Variants in USP47 observed in about 807,000 individuals in gnomAD.
USP47 encodes ubiquitin carboxyl-terminal hydrolase 47.
USP47 carries 35 observed loss-of-function variants against 165.1 expected under a neutral mutation model. The observed-to-expected ratio is 0.21, with a 90% confidence interval of 0.16 to 0.28. USP47 has a LOEUF of 0.28. USP47 is among the 10% of genes least tolerant of loss of function. USP47 has a pLI of 1.00. For missense variants in USP47, 1,277 were observed against 1,607.4 expected, an observed-to-expected ratio of 0.79 and a Z score of 3.52; for synonymous variants, 531 against 544.5, an observed-to-expected ratio of 0.98 and a Z score of 0.35.
At position 11,922,910 on chromosome 11, in the gene USP47, A is replaced by G. The variant is rs775795033; in HGVS notation, c.1386+19A>G. On this transcript the variant is annotated intron_variant, in intron 11 of 27. Transcript: ENST00000527733. ...TGAAAAGGTACCTTTTATAGTTTGC[A>G]TTTTTTAGTTGAAAGTGAGAATAAT... is the stretch of plus-strand genomic sequence containing the variant. 6.2e-7 allele frequency: 1 copy of G among 1,603,842 alleles called. No homozygotes were observed. The highest frequency in any genetic ancestry group is 1.7e-5 in the Admixed American group (1 of 58,632).
At position 11,903,004 on chromosome 11, in the gene USP47, C is replaced by A. The variant is rs750608679; in HGVS notation, c.739+144C>A. The stretch of plus-strand genomic sequence containing the variant: ...TTGTCATATATTTTCTAACACATTT[C>A]ATAACTCTACAATGAAAAATAACAA... On this transcript the variant is annotated intron_variant, in intron 6 of 27. Transcript: ENST00000527733. 2.5e-4 allele frequency: 232 copies of A among 913,478 alleles called. 1 individual carries two copies. The highest frequency in any genetic ancestry group is 5.0e-4 in the Admixed American group (15 of 29,786). The allele number at this position is 913,478 out of a possible 1,614,324, so 56.6% of individuals were successfully genotyped here. A position where few individuals can be genotyped will look rare whatever the true frequency, so the allele number is the denominator to read the frequency against.
At chr11:11,888,245 C>T (rs114497188) in intron 3 of USP47, among the ~76,000 whole-genome samples, 3,791 of 151,638 alleles carry the variant, frequency 0.025, 139 homozygotes, top group African/African-American at 0.087. Flanking sequence ...GATAGAGACA[C>T]GAAAAACCTT....
chr11:11,952,063 T>C (rs1429790990), intron 24 of USP47: 2 of 152,246 alleles, frequency 1.3e-5, no homozygotes, highest in Non-Finnish European at 2.9e-5. Flanking sequence ...GAGGTATTTA[T>C]TGACCTGTAA....
intron 4 of USP47, 139 bp downstream of exon 4, chr11:11,892,245 TAGA>T (rs1851562197): frequency 2.4e-5 from 20 of 835,690 alleles, no homozygotes; most frequent in African/African-American, 5.2e-5. Flanking sequence ...GCCGCAAAGT[TAGA>T]AGAAGTATGT....
intron 5 of USP47, among the ~76,000 whole-genome samples, chr11:11,900,028 G>A (rs1852100262): frequency 6.6e-6 from 1 of 152,242 alleles, no homozygotes; most frequent in Middle Eastern, 3.4e-3. Flanking sequence ...AGTGTAAAAG[G>A]ATAGACTAGA....
chr11:11,897,937 G>C (rs1332849474), intron 5 of USP47, among the ~76,000 whole-genome samples: 1 of 152,036 alleles, frequency 6.6e-6, no homozygotes, highest in African/African-American at 2.4e-5. Flanking sequence ...TTTACATGTA[G>C]GGTAAAAAGC....
chr11:11,954,007 T>A (rs1017562684), intron 25 of USP47, among the ~76,000 whole-genome samples: 10 of 152,120 alleles, frequency 6.6e-5, no homozygotes, highest in Non-Finnish European at 1.0e-4. Context: ...CCCAGCACTT[T>A]GGGAGGTTGA....
At chr11:11,933,356 C>G (rs1439417956) in intron 15 of USP47, among the ~76,000 whole-genome samples, 1 of 152,046 alleles carries the variant, frequency 6.6e-6, no homozygotes, top group African/African-American at 2.4e-5. Context: ...GACACATTCT[C>G]TTATCCTACT....
intron 10 of USP47, 62 bp from the exon 11 acceptor site, chr11:11,922,662 G>C (rs1853918858): frequency 7.1e-7 from 1 of 1,409,868 alleles, no homozygotes; most frequent in Non-Finnish European, 9.5e-7. Flanking sequence ...TAGGTACAAA[G>C]TTTTGTTGAA....
intron 1 of USP47, among the ~76,000 whole-genome samples, chr11:11,871,918 T>C (rs1850094114): frequency 6.6e-6 from 1 of 152,154 alleles, no homozygotes; most frequent in Non-Finnish European, 1.5e-5. Context: ...AAATCATTGT[T>C]TCATACATTG....
At chr11:11,927,720 A>G (rs1387988870) in intron 11 of USP47, among the ~76,000 whole-genome samples, 1 of 152,114 alleles carries the variant, frequency 6.6e-6, no homozygotes, top group Admixed American at 6.5e-5. Flanking sequence ...ATGTTTGAAG[A>G]TGTATCCCCT....
intron 8 of USP47, among the ~76,000 whole-genome samples, chr11:11,912,649 A>G (rs531851527): frequency 2.0e-5 from 3 of 152,104 alleles, no homozygotes; most frequent in Non-Finnish European, 4.4e-5. Context: ...TCAAAAAAAA[A>G]GAAAGGAAGA....
intron 3 of USP47, among the ~76,000 whole-genome samples, chr11:11,885,773 T>C (rs1851120999): frequency 6.6e-6 from 1 of 152,182 alleles, no homozygotes. Flanking sequence ...CCTCACAAGC[T>C]AAGACCCACT....
intron 1 of USP47, among the ~76,000 whole-genome samples, chr11:11,859,456 T>C (rs1226640301): frequency 6.6e-6 from 1 of 152,178 alleles, no homozygotes; most frequent in African/African-American, 2.4e-5. Context: ...ATTTGTTAAA[T>C]GAAGGAGTAA....
chr11:11,894,390 T>G (rs1016181121), intron 4 of USP47, among the ~76,000 whole-genome samples: 1 of 152,014 alleles, frequency 6.6e-6, no homozygotes, highest in East Asian at 1.9e-4. Flanking sequence ...CAGGAGGTGG[T>G]TGCAGTGAGC....
intron 8 of USP47, among the ~76,000 whole-genome samples, chr11:11,919,838 A>G (rs1403891847): frequency 3.9e-5 from 6 of 151,922 alleles, no homozygotes; most frequent in Non-Finnish European, 8.8e-5. Flanking sequence ...ATTACTTTTT[A>G]TCTAAGGACT....
Position 11,957,848 on chromosome 11 carries a change from A to G in USP47, c.*1673A>G, listed in dbSNP as rs1257366385. Reference sequence around the variant, plus strand: ...TAAAAGTCTCCTGGAATCCACAATGAAAAAAAAAATCTTTTCTAAGGTATT... The same window carrying G: ...TAAAAGTCTCCTGGAATCCACAATGGAAAAAAAAATCTTTTCTAAGGTATT... On this transcript the variant is annotated 3_prime_UTR_variant, in exon 28 of 28. Coordinates refer to ENST00000527733, the MANE Select transcript of USP47 (RefSeq NM_001282659.2). 2.7e-5 allele frequency: 4 copies of G among 150,656 alleles called. No individual in the cohort carries two copies. The highest frequency in any genetic ancestry group is 9.8e-5 in the African/African-American group (4 of 40,950). 9.3% of individuals were successfully genotyped at this position (150,656 alleles called of 1,614,324 possible).
intron 8 of USP47, among the ~76,000 whole-genome samples, chr11:11,919,351 TGAA>T (rs1853656791): frequency 6.6e-6 from 1 of 151,952 alleles, no homozygotes; most frequent in Non-Finnish European, 1.5e-5. Context: ...AGCCCATGTG[TGAA>T]GAAAAGAGAG....
intron 1 of USP47, among the ~76,000 whole-genome samples, chr11:11,868,259 T>C (rs1417672929): frequency 6.6e-6 from 1 of 152,280 alleles, no homozygotes; most frequent in East Asian, 1.9e-4. Flanking sequence ...GGATCCCTCA[T>C]GTTGCCCTTA....
Sources: gnomAD v4.1 joint callset for allele counts (sites outside exome capture counted in the v4.1 genomes callset) on GRCh38, gnomAD v4.1.1 for gene constraint, MANE v1.5 for transcripts, NCBI Gene and HGNC (gene_info 2026-07-23, HGNC 2026-07-21) for gene names.